Variants in GRIN2B observed in about 807,000 individuals in gnomAD.
GRIN2B encodes the protein glutamate receptor ionotropic, NMDA 2B.
GRIN2B carries 5 observed loss-of-function variants against 114.5 expected under a neutral mutation model. The ratio of observed to expected loss-of-function variants is 0.04; its 90% CI spans 0.02 to 0.09. GRIN2B has a LOEUF of 0.09. Among genes scored for constraint, GRIN2B ranks in the 10% least tolerant of loss-of-function variants. The probability of loss-of-function intolerance (pLI) is 1.00; values close to 1 mark genes in which losing one functional copy is unlikely to be tolerated. For missense variants in GRIN2B, 1,108 were observed against 1,943.5 expected (o/e 0.57, Z 8.08); for synonymous variants, 787 against 745.1 (o/e 1.06, Z -0.92).
At chr12:13,849,842 C>T (rs1239859780) in intron 3 of GRIN2B, among the ~76,000 whole-genome samples, 3 of 152,188 alleles carry the variant, frequency 2.0e-5, no homozygotes, top group Non-Finnish European at 2.9e-5. Context: ...CCAAGGGGCT[C>T]TCTTTCTCTA....
intron 4 of GRIN2B, among the ~76,000 whole-genome samples, chr12:13,700,727 A>G (rs1339942011): frequency 6.6e-6 from 1 of 152,200 alleles, no homozygotes; most frequent in South Asian, 2.1e-4. Flanking sequence ...TGGAGCTAAA[A>G]TAAGCTGTCC....
At chr12:13,956,665 G>T (rs1052063664) in intron 2 of GRIN2B, among the ~76,000 whole-genome samples, 1 of 152,158 alleles carries the variant, frequency 6.6e-6, no homozygotes, top group Admixed American at 6.6e-5. Context: ...ATACCTGGAG[G>T]GTCTTCTGGG....
intron 2 of GRIN2B, among the ~76,000 whole-genome samples, chr12:13,968,592 T>A (rs535115109): frequency 6.6e-6 from 1 of 152,322 alleles, no homozygotes; most frequent in East Asian, 1.9e-4. Context: ...AAAATATGCA[T>A]GTGGTAAAGT....
At chr12:13,627,250 C>A (rs1949577747) in intron 5 of GRIN2B, among the ~76,000 whole-genome samples, 1 of 152,020 alleles carries the variant, frequency 6.6e-6, no homozygotes, top group Admixed American at 6.5e-5. Context: ...AACCACATTC[C>A]CATTGTGAGT....
At chr12:13,794,862 T>C (rs1472025818) in intron 3 of GRIN2B, among the ~76,000 whole-genome samples, 4 of 152,218 alleles carry the variant, frequency 2.6e-5, no homozygotes, top group East Asian at 3.9e-4. Flanking sequence ...AGCTACCTCA[T>C]TGTCCTGGGC....
intron 10 of GRIN2B, among the ~76,000 whole-genome samples, chr12:13,574,903 T>A (rs1276222623): frequency 1.3e-5 from 2 of 152,202 alleles, no homozygotes; most frequent in Non-Finnish European, 2.9e-5. Context: ...TGGAACAGGA[T>A]AGAGTGCCCA....
At chr12:13,728,185 A>G (rs1863024169) in intron 4 of GRIN2B, among the ~76,000 whole-genome samples, 1 of 152,176 alleles carries the variant, frequency 6.6e-6, no homozygotes, top group Admixed American at 6.5e-5. Flanking sequence ...TGACCTCCTC[A>G]GATTGCAATC....
chr12:13,928,802 C>T (rs1445387121), intron 2 of GRIN2B, among the ~76,000 whole-genome samples: 2 of 152,168 alleles, frequency 1.3e-5, no homozygotes, highest in African/African-American at 4.8e-5. Context: ...TAAGATAAAA[C>T]TGAAACCCTA....
chr12:13,940,190 C>T (rs1262735329), intron 2 of GRIN2B, among the ~76,000 whole-genome samples: 5 of 152,112 alleles, frequency 3.3e-5, no homozygotes, highest in Non-Finnish European at 7.4e-5. Flanking sequence ...GAGTCTGTTC[C>T]ATCCCATTCA....
intron 2 of GRIN2B, among the ~76,000 whole-genome samples, chr12:13,894,011 C>G (rs1866311419): frequency 6.6e-6 from 1 of 152,004 alleles, no homozygotes; most frequent in South Asian, 2.1e-4. Flanking sequence ...AATAAAAACA[C>G]AGCGGTGGAG....
At chr12:13,701,083 G>A (rs1950308284) in intron 4 of GRIN2B, among the ~76,000 whole-genome samples, 1 of 152,170 alleles carries the variant, frequency 6.6e-6, no homozygotes, top group African/African-American at 2.4e-5. Flanking sequence ...AAGAAGAAGT[G>A]CACACAGGAA....
In GRIN2B at chr12:13,660,471, T is replaced by A. The variant is rs77675258; in HGVS notation, c.1125+15274A>T. 1.9e-3 allele frequency among the ~76,000 whole-genome samples: 282 copies of A among 152,290 alleles called. 3 individuals are homozygous for A. Among genetic ancestry groups the A allele is most frequent in the African/African-American group, 6.5e-3 (270 of 41,562 alleles). ...TTTGTTGAATTGAACTGAAGCTAAC[T>A]GATTGATAAAAGTGCTAACTCTGGA... On this transcript the variant is annotated intron_variant, in intron 5 of 13. Coordinates refer to ENST00000609686, the MANE Select transcript of GRIN2B (RefSeq NM_000834.5).
chr12:13,578,173 G>A (rs1161997070), intron 10 of GRIN2B, among the ~76,000 whole-genome samples: 2 of 152,132 alleles, frequency 1.3e-5, no homozygotes, highest in Non-Finnish European at 2.9e-5. Flanking sequence ...TCCTACCTCA[G>A]CCTCCCATTC....
At chr12:13,787,508 A>G (rs892229445) in intron 3 of GRIN2B, among the ~76,000 whole-genome samples, 2 of 152,252 alleles carry the variant, frequency 1.3e-5, no homozygotes, top group African/African-American at 2.4e-5. Flanking sequence ...GCACTTCTGC[A>G]AAAGGGCAAG....
At chr12:13,575,983 C>T (rs1948770735) in intron 10 of GRIN2B, among the ~76,000 whole-genome samples, 1 of 152,178 alleles carries the variant, frequency 6.6e-6, no homozygotes, top group Non-Finnish European at 1.5e-5. Context: ...CTATGTAAGG[C>T]AATGTTCCCT....
In GRIN2B at chr12:13,857,399, A is replaced by T. The variant is rs952312143; in HGVS notation, c.411+8399T>A. Among the ~76,000 whole-genome samples the T allele has an allele frequency of 1.4e-3, 206 of 150,186 alleles. 1 individual carries two copies. Among genetic ancestry groups the T allele is most frequent in the African/African-American group, 4.5e-3 (182 of 40,208 alleles). Reference sequence around the variant, plus strand: ...CACACACACACACACACACACACACACTCTCACACACACCAGTTATTATGG... The same window carrying T: ...CACACACACACACACACACACACACTCTCTCACACACACCAGTTATTATGG... On this transcript the variant is annotated intron_variant, in intron 3 of 13. Coordinates refer to ENST00000609686, the MANE Select transcript of GRIN2B (RefSeq NM_000834.5).
At chr12:13,589,160 A>C (rs1239721822) in intron 10 of GRIN2B, among the ~76,000 whole-genome samples, 1 of 152,242 alleles carries the variant, frequency 6.6e-6, no homozygotes, top group East Asian at 1.9e-4. Context: ...TCAAAGATTA[A>C]CTAGTAACTA....
Position 13,887,222 on chromosome 12 carries a change from T to C in GRIN2B, c.-18-20996A>G, listed in dbSNP as rs556320134. On this transcript the variant is annotated intron_variant, in intron 2 of 13. Transcript: ENST00000609686. The stretch of plus-strand genomic sequence containing the variant: ...GGAGAAACAAAGACACAAATTTTTT[T>C]AAAAAGCACAGATGTGAATAAGGGG... 1.9e-4 allele frequency among the ~76,000 whole-genome samples: 29 copies of C among 152,344 alleles called. No individual in the cohort carries two copies. In the South Asian group the frequency reaches 5.8e-3, roughly 30 times the overall value.
chr12:13,704,424 C>A (rs746360219), intron 4 of GRIN2B, among the ~76,000 whole-genome samples: 10 of 152,154 alleles, frequency 6.6e-5, no homozygotes, highest in Non-Finnish European at 2.9e-5. Flanking sequence ...TATCTTTTAA[C>A]GACTCAAACC....
Sources: allele counts gnomAD v4.1 joint callset (sites outside exome capture counted in the v4.1 genomes callset), GRCh38; gene constraint gnomAD v4.1.1; transcripts MANE v1.5; gene names NCBI Gene and HGNC (gene_info 2026-07-23, HGNC 2026-07-21).